ERMP1: variants seen among roughly 807,000 people sequenced by gnomAD.
The protein encoded by ERMP1 is endoplasmic reticulum metallopeptidase 1.
In ERMP1, 86 loss-of-function variants were observed where a neutral mutation model predicts 92.0. The observed-to-expected ratio is 0.93, with a 90% CI of 0.79 to 1.12. The LOEUF is 1.12. ERMP1 is among the 50% of genes most tolerant of loss of function. The pLI is 0.00. For missense variants in ERMP1, 1,342 were observed against 1,116.3 expected (o/e 1.20, Z -2.88); for synonymous variants, 530 against 412.8 (o/e 1.28, Z -3.44).
chr9:5,815,880 T>C (rs1756863111), intron 4 of ERMP1, among the ~76,000 whole-genome samples: 1 of 152,048 alleles, frequency 6.6e-6, no homozygotes. Flanking sequence ...AGAACTATGA[T>C]GATGGGGAAA....
chr9:5,822,177 T>A lies in ERMP1; in HGVS notation c.874+1719A>T, dbSNP rs138689114. Among the ~76,000 whole-genome samples, 620 of 152,188 alleles carry A rather than the reference T, an allele frequency of 4.1e-3. 2 individuals carry two copies. Among genetic ancestry groups the A allele is most frequent in the African/African-American group, 0.014 (590 of 41,514 alleles). ...TGAGCTGGGAGGATGTCTTGAGCTC[T>A]CAAGGCAGAGGTTGCAGTGAGCCGA... is the stretch of plus-strand genomic sequence containing the variant. On this transcript the variant is annotated intron_variant, in intron 4 of 14. Coordinates refer to ENST00000339450, the MANE Select transcript of ERMP1 (RefSeq NM_024896.3).
chr9:5,832,862 C>G lies in ERMP1; in HGVS notation c.166G>C (p.Gly56Arg). 6.6e-7 allele frequency: 1 copy of G among 1,519,670 alleles called. No homozygotes were observed. The highest frequency in any genetic ancestry group is 8.8e-7 in the Non-Finnish European group (1 of 1,142,718). The allele number at this position is 1,519,670 out of a possible 1,614,324, so 94.1% of individuals were successfully genotyped here. ...GGRTRKRSPGGSGGASRGAGT... is the reference protein window; with the variant it reads ...GGRTRKRSPGRSGGASRGAGT... ...GCGCCCCTGCTCGCGCCGCCGCTACCCCCGGGGCTCCTCTTCCGCGTCCTC... is the reference window on the plus strand; with the variant it reads ...GCGCCCCTGCTCGCGCCGCCGCTACGCCCGGGGCTCCTCTTCCGCGTCCTC... Residue 56 changes from glycine to arginine, a missense_variant, in exon 1 of 15, where the codon GGT (glycine) becomes CGT (arginine). Gly to Arg is a moderately radical substitution (Grantham distance 125). Coordinates refer to ENST00000339450, the MANE Select transcript of ERMP1 (RefSeq NM_024896.3).
intron 5 of ERMP1, among the ~76,000 whole-genome samples, chr9:5,864,398 C>G (rs78813615): frequency 6.6e-6 from 1 of 152,080 alleles, no homozygotes; most frequent in African/African-American, 2.4e-5. Context: ...TTCCAGTACC[C>G]CCACTCACCC....
At chr9:5,804,918 C>T in intron 10 of ERMP1, 109 bp downstream of exon 10, 1 of 807,938 alleles carries the variant, frequency 1.2e-6, no homozygotes, top group South Asian at 2.0e-5. Context: ...TCTTCTGCTT[C>T]AGATTTTCTC....
intron 5 of ERMP1, 102 bp from the exon 6 acceptor site, chr9:5,812,319 G>A: frequency 1.6e-6 from 1 of 640,560 alleles, no homozygotes; most frequent in East Asian, 2.7e-5. Context: ...AAATGTCAAA[G>A]CAGTGGCACG....
At chr9:5,844,466 T>C (rs1021619118) in intron 6 of ERMP1, among the ~76,000 whole-genome samples, 1 of 152,134 alleles carries the variant, frequency 6.6e-6, no homozygotes, top group African/African-American at 2.4e-5. Flanking sequence ...GTAGAGATGG[T>C]GTTTTGCCAT....
intron 4 of ERMP1, among the ~76,000 whole-genome samples, chr9:5,815,844 C>A (rs1355200123): frequency 6.6e-6 from 1 of 152,058 alleles, no homozygotes; most frequent in East Asian, 1.9e-4. Context: ...ATGTGATGCA[C>A]TGAGGACACA....
intron 4 of ERMP1, among the ~76,000 whole-genome samples, chr9:5,820,876 C>A (rs745683009): frequency 1.1e-4 from 17 of 152,126 alleles, no homozygotes; most frequent in Admixed American, 6.5e-5. Context: ...CCACAAGAAG[C>A]GCAGTCTTTT....
At chr9:5,829,857 T>C (rs1418396409) in intron 2 of ERMP1, among the ~76,000 whole-genome samples, 1 of 152,198 alleles carries the variant, frequency 6.6e-6, no homozygotes, top group Non-Finnish European at 1.5e-5. Flanking sequence ...CTATTTTCCA[T>C]CCCTATTTAC....
chr9:5,865,893 T>C (rs1028235542), intron 5 of ERMP1, among the ~76,000 whole-genome samples: 2 of 148,996 alleles, frequency 1.3e-5, no homozygotes, highest in Non-Finnish European at 3.0e-5. Context: ...AAAAAATATA[T>C]AAAATGAGTT....
rs186042143 is a variant in ERMP1 at position 5,808,234 on chromosome 9, C to T, written c.1548+1777G>A. On this transcript the variant is annotated intron_variant, in intron 8 of 14. Transcript: ENST00000339450. ...ATTGTGCTTTTACCCTAAAGTGTTA[C>T]GATCAGACAACTGAAATTAGTAAAA... 8.8e-4 allele frequency among the ~76,000 whole-genome samples: 134 copies of T among 152,294 alleles called. 2 individuals are homozygous for T. In the East Asian group the frequency reaches 0.02, roughly 23 times the overall value.
rs144298724 is a variant in ERMP1, at chr9:5,798,926, G to A, written c.2150C>T (p.Thr717Ile). 2 of 1,612,604 alleles carry A rather than the reference G, an allele frequency of 1.2e-6. No homozygotes were observed. The highest frequency in any genetic ancestry group is 1.7e-6 in the Non-Finnish European group (2 of 1,178,856). The change falls in exon 12 of 15, where the codon ACT becomes ATT. Residue 717 changes from threonine (T) to isoleucine (I), a missense_variant. Transcript: ENST00000339450. ...GTGAGGGGTTATGTGAGAAATTCCA[G>A]TATAATCAAACCCATTGATCCATAT... is the stretch of plus-strand genomic sequence containing the variant. ...SGIWINGFDY[T>I]GISHITPHIP...
chr9:5,842,252 T>A (rs1422862957), intron 6 of ERMP1, among the ~76,000 whole-genome samples: 1 of 152,002 alleles, frequency 6.6e-6, no homozygotes, highest in Non-Finnish European at 1.5e-5. Context: ...TTGGTCCGTT[T>A]TTACAGAGTG....
chr9:5,791,193 C>G (rs895089642), intron 13 of ERMP1: 2 of 455,884 alleles, frequency 4.4e-6, no homozygotes, highest in Admixed American at 2.4e-5. Flanking sequence ...GAGAGAGAGA[C>G]AGAGAGAGTG....
rs189715322 is a variant in ERMP1, at chr9:5,812,112, T to G, written c.1114+13A>C. The stretch of plus-strand genomic sequence containing the variant: ...TCTTAGTGTATATCAAAAGTCTAAA[T>G]TGGAATACCAACCTGCTCTCTGAAT... On this transcript the variant is annotated intron_variant, in intron 6 of 14. Coordinates refer to ENST00000339450, the MANE Select transcript of ERMP1 (RefSeq NM_024896.3). 1.9e-6 allele frequency: 3 copies of G among 1,541,392 alleles called. No individual in the cohort carries two copies. In the South Asian group the frequency reaches 3.5e-5, roughly 18 times the overall value.
intron 13 of ERMP1, among the ~76,000 whole-genome samples, chr9:5,789,194 A>G (rs1828067405): frequency 6.6e-6 from 1 of 152,298 alleles, no homozygotes; most frequent in African/African-American, 2.4e-5. Flanking sequence ...ATATTAACAC[A>G]GAACAAACAA....
At chr9:5,814,584 A>G (rs1829231049) in intron 4 of ERMP1, among the ~76,000 whole-genome samples, 1 of 152,134 alleles carries the variant, frequency 6.6e-6, no homozygotes, top group Non-Finnish European at 1.5e-5. Flanking sequence ...CTCTACTAAA[A>G]ATACAAAAAT....
intron 11 of ERMP1, among the ~76,000 whole-genome samples, chr9:5,799,297 T>C (rs1828576122): frequency 1.3e-5 from 2 of 152,236 alleles, no homozygotes; most frequent in African/African-American, 4.8e-5. Flanking sequence ...GAGCTGCTTT[T>C]AGATAAGGAT....
At chr9:5,827,091 A>G (rs1443693005) in intron 2 of ERMP1, among the ~76,000 whole-genome samples, 1 of 152,244 alleles carries the variant, frequency 6.6e-6, no homozygotes, top group African/African-American at 2.4e-5. Context: ...GGAACCACAC[A>G]GCAAACTCAA....
Sources: allele counts gnomAD v4.1 joint callset (sites outside exome capture counted in the v4.1 genomes callset), GRCh38; gene constraint gnomAD v4.1.1; transcripts MANE v1.5; gene names NCBI Gene and HGNC (gene_info 2026-07-23, HGNC 2026-07-21).